The following SPOCD1 variants were observed in gnomAD, a reference collection of about 807,000 sequenced individuals.
SPOCD1 encodes the protein SPOC domain containing 1, also known as SPOC domain-containing protein 1.
SPOCD1 carries 64 observed loss-of-function variants against 92.2 expected under a neutral mutation model. That is an observed-to-expected ratio of 0.69 (90% CI 0.57 to 0.86). SPOCD1 has a LOEUF of 0.86. Among genes scored for constraint, SPOCD1 ranks in the 40% least tolerant of loss-of-function variants. The probability of loss-of-function intolerance (pLI) is 0.00; values close to 1 mark genes in which losing one functional copy is unlikely to be tolerated. For synonymous variants in SPOCD1, 578 were observed against 619.3 expected, an observed-to-expected ratio of 0.93 and a Z score of 0.99; for missense variants, 1,360 against 1,543.1, an observed-to-expected ratio of 0.88 and a Z score of 1.99.
Position 31,814,164 on chromosome 1 carries a change from G to C in SPOCD1, c.1170C>G (p.Ser390=), listed in dbSNP as rs775969459. 3 of 1,582,040 alleles carry C rather than the reference G, an allele frequency of 1.9e-6. No individual in the cohort carries two copies. Among genetic ancestry groups the C allele is most frequent in the Non-Finnish European group, 2.6e-6 (3 of 1,160,318 alleles). Residue 390 remains serine (S), a synonymous_variant, in exon 2 of 16, where the codon TCC becomes TCG. Coordinates refer to ENST00000360482, the MANE Select transcript of SPOCD1 (RefSeq NM_144569.7). This position sits in a 1 kb window ranked among gnomAD's most constrained non-coding sequence, Gnocchi z 4.2. The part of the protein sequence containing the change: ...LAAPADTCAS[S]REPLGGLSSS... ...AGCTGAGGCCGCCCAAGGGCTCCCGGGAGCTGGCACAGGTGTCAGCGGGGG... is the reference window on the plus strand; with the variant it reads ...AGCTGAGGCCGCCCAAGGGCTCCCGCGAGCTGGCACAGGTGTCAGCGGGGG...
chr1:31,793,423 G>A lies in SPOCD1; in HGVS notation c.2540C>T (p.Pro847Leu), dbSNP rs918348032. The A allele has an allele frequency of 1.3e-5, 20 of 1,589,040 alleles. No individual in the cohort carries two copies. Among genetic ancestry groups the A allele is most frequent in the African/African-American group, 2.7e-5 (2 of 74,408 alleles). The change falls in exon 13 of 16, where the codon CCT (proline) becomes CTT (leucine). Residue 847 changes from proline (P) to leucine (L), a missense_variant. Coordinates refer to ENST00000360482, the MANE Select transcript of SPOCD1 (RefSeq NM_144569.7). Reference sequence around the variant, plus strand: ...AGCAGGCACATGGAGCCCAGATGGAGGGACCCTAGAGGGAGGGACAGAAGA... The same window carrying A: ...AGCAGGCACATGGAGCCCAGATGGAAGGACCCTAGAGGGAGGGACAGAAGA... ...LSPTEPQDRV[P>L]PSGLHVPAAP...
At chr1:31,812,124 T>A (rs570532194) in intron 2 of SPOCD1, among the ~76,000 whole-genome samples, 1 of 152,308 alleles carries the variant, frequency 6.6e-6, no homozygotes, top group South Asian at 2.1e-4. Context: ...GCCAAACATG[T>A]GTCATCTCAT....
At position 31,790,582 on chromosome 1, in the gene SPOCD1, T is replaced by C; in HGVS notation, c.*21A>G. On this transcript the variant is annotated 3_prime_UTR_variant, in exon 16 of 16. Coordinates refer to ENST00000360482, the MANE Select transcript of SPOCD1 (RefSeq NM_144569.7). ...ACACTAGTGAGGGCATCAAAACCCCTGTTCTGGTGGGTAAGGAGGGTCAGG... is the reference window on the plus strand; with the variant it reads ...ACACTAGTGAGGGCATCAAAACCCCCGTTCTGGTGGGTAAGGAGGGTCAGG... 1 of 1,547,834 alleles carries C rather than the reference T, an allele frequency of 6.5e-7. No individual in the cohort carries two copies.
rs973833415 is a variant in SPOCD1 at position 31,796,628 on chromosome 1, G to A, written c.2233C>T (p.Arg745Trp). The change falls in exon 10 of 16, where the codon CGG (arginine) becomes TGG (tryptophan). Residue 745 changes from arginine to tryptophan, a missense_variant. Coordinates refer to ENST00000360482, the MANE Select transcript of SPOCD1 (RefSeq NM_144569.7). ...MTHKGEVEIQ[R>W]DMDQTLTLED... The stretch of plus-strand genomic sequence containing the variant: ...AGGGTCAGTGTCTGGTCCATGTCCC[G>A]CTGAATCTCCACTTCGCCCTTGTGG... 9.3e-6 allele frequency: 15 copies of A among 1,614,096 alleles called. No homozygotes were observed. In the Admixed American group the frequency reaches 1.0e-4, roughly 11 times the overall value.
chr1:31,811,437 G>A (rs2149119398), intron 2 of SPOCD1, among the ~76,000 whole-genome samples: 1 of 151,416 alleles, frequency 6.6e-6, no homozygotes, highest in South Asian at 2.1e-4. Flanking sequence ...CAGCCTGGGT[G>A]ACAGGGCGAG....
intron 12 of SPOCD1, 57 bp from the exon 13 acceptor site, chr1:31,793,485 G>A: frequency 1.9e-6 from 3 of 1,544,312 alleles, no homozygotes; most frequent in South Asian, 1.2e-5. Flanking sequence ...GACTTCCCCG[G>A]CACCTCCTTT....
chr1:31,792,138 G>C (rs1647637759), intron 15 of SPOCD1, 77 bp downstream of exon 15: 2 of 1,489,740 alleles, frequency 1.3e-6, no homozygotes, highest in Non-Finnish European at 1.8e-6. Context: ...GCCTCTACTG[G>C]GTGACTGTGT....
rs1647511507 is a variant in SPOCD1 at position 31,790,613 on chromosome 1, C to A, written c.3641G>T (p.Arg1214Ile). The A allele has an allele frequency of 1.9e-6, 3 of 1,551,652 alleles. No individual in the cohort carries two copies. Among genetic ancestry groups the A allele is most frequent in the Non-Finnish European group, 2.6e-6 (3 of 1,146,946 alleles). Residue 1214 changes from arginine to isoleucine, a missense_variant, in exon 16 of 16, where the codon AGA becomes ATA. By Grantham distance (97) the Arg-to-Ile change is moderately conservative. Around this residue, in one of 3 missense-constraint regions of SPOCD1, gnomAD observed 614 missense variants for 757.8 expected, o/e 0.81. Transcript: ENST00000360482. ...GGTGGGTAAGGAGGGTCAGGCCTTT[C>A]TAGGGAAGGGACACTCAGAGCCAGC... is the stretch of plus-strand genomic sequence containing the variant. ...DEAGSECPFP[R>I]KA
At position 31,793,822 on chromosome 1, in the gene SPOCD1, G is replaced by C. The variant is rs1342289160; in HGVS notation, c.2459C>G (p.Ala820Gly). Reference sequence around the variant, plus strand: ...AGCAGGCATAGGAGTTTGGCTTAGGGCTTTCTGGAAGATATTGTCCCCGCA... The same window carrying C: ...AGCAGGCATAGGAGTTTGGCTTAGGCCTTTCTGGAAGATATTGTCCCCGCA... ...KSCGDNIFQK[A>G]LSQTPMPAPE... The change falls in exon 12 of 16, where the codon GCC (alanine) becomes GGC (glycine). Residue 820 changes from alanine to glycine, a missense_variant. Ala to Gly is a moderately conservative substitution (Grantham distance 60). Around this residue, in one of 3 missense-constraint regions of SPOCD1, gnomAD observed 614 missense variants for 757.8 expected, o/e 0.81. Coordinates refer to ENST00000360482, the MANE Select transcript of SPOCD1 (RefSeq NM_144569.7). 6.2e-7 allele frequency: 1 copy of C among 1,614,224 alleles called. No individual in the cohort carries two copies. The highest frequency in any genetic ancestry group is 1.3e-5 in the African/African-American group (1 of 75,066).
chr1:31,799,447 C>T lies in SPOCD1; in HGVS notation c.1822G>A (p.Val608Met), dbSNP rs773500108. 11 of 1,611,972 alleles carry T rather than the reference C, an allele frequency of 6.8e-6. No homozygotes were observed. Among genetic ancestry groups the T allele is most frequent in the African/African-American group, 1.3e-5 (1 of 75,028 alleles). The change falls in exon 7 of 16, where the codon GTG becomes ATG. Residue 608 changes from valine to methionine, a missense_variant. This residue lies in a region of SPOCD1 where 606 missense variants were observed against 601.5 expected (regional missense o/e 1.01). Coordinates refer to ENST00000360482, the MANE Select transcript of SPOCD1 (RefSeq NM_144569.7). ...QQEKPSLYIG[V>M]RGTVVRSMQE... ...ATGGAACGGACAACAGTGCCCCGCA[C>T]CCCAATATACAGGGATGGCTTCTCC...
intron 2 of SPOCD1, among the ~76,000 whole-genome samples, chr1:31,812,670 T>C (rs936695497): frequency 6.6e-6 from 1 of 152,240 alleles, no homozygotes; most frequent in Non-Finnish European, 1.5e-5. Flanking sequence ...GTCTACCTCA[T>C]AGGCTTGTTA....
rs1337630862 is a variant in SPOCD1 at position 31,798,515 on chromosome 1, G to T, written c.1955C>A (p.Thr652Lys). Residue 652 changes from threonine (T) to lysine (K), a missense_variant, in exon 8 of 16, where the codon ACA becomes AAA. This residue lies in a region of SPOCD1 where 614 missense variants were observed against 757.8 expected (regional missense o/e 0.81). Coordinates refer to ENST00000360482, the MANE Select transcript of SPOCD1 (RefSeq NM_144569.7). This position sits in a 1 kb window ranked among gnomAD's most constrained non-coding sequence, Gnocchi z 4.1. ...CTTGTACCGGCCATTGGTGCCTTGT[G>T]TCAGGTCCCAGAGGGCTGCCTCAAT... is the stretch of plus-strand genomic sequence containing the variant. ...AGIEAALWDL[T>K]QGTNGRYKTK... 3 of 1,614,020 alleles carry T rather than the reference G, an allele frequency of 1.9e-6. No individual in the cohort carries two copies. Among genetic ancestry groups the T allele is most frequent in the Non-Finnish European group, 2.5e-6 (3 of 1,180,026 alleles).
chr1:31,792,143 C>G lies in SPOCD1; in HGVS notation c.2962+72G>C, dbSNP rs1408974255. 2.7e-6 allele frequency: 4 copies of G among 1,504,088 alleles called. No homozygotes were observed. The East Asian group carries it at 7.4e-5, about 28-fold the overall frequency. 93.2% of individuals were successfully genotyped at this position (1,504,088 alleles called of 1,614,324 possible). ...AGATGTGCCTGCCTCTACTGGGTGA[C>G]TGTGTCAACCGTGCCTGGTCTGGTC... On this transcript the variant is annotated intron_variant, in intron 15 of 15. Transcript: ENST00000360482.
Position 31,814,262 on chromosome 1 carries a change from C to T in SPOCD1, c.1072G>A (p.Ala358Thr). The change falls in exon 2 of 16, where the codon GCA becomes ACA. Residue 358 changes from alanine (A) to threonine (T), a missense_variant. Physicochemically the swap from Ala to Thr is moderately conservative, Grantham distance 58. Transcript: ENST00000360482. The surrounding 1 kb of genome is among the most constrained non-coding windows in gnomAD (Gnocchi z 4.2). ...GCCTCCAGCTCCTCCTGGTCCTGTGCTGGAGCCTGGCCTTCATCGCTGCCA... is the reference window on the plus strand; with the variant it reads ...GCCTCCAGCTCCTCCTGGTCCTGTGTTGGAGCCTGGCCTTCATCGCTGCCA... Reference protein sequence around the residue: ...RTGSDEGQAPAQDQEELEAKA... With the variant: ...RTGSDEGQAPTQDQEELEAKA... 2 of 1,583,046 alleles carry T rather than the reference C, an allele frequency of 1.3e-6. No homozygotes were observed. Among genetic ancestry groups the T allele is most frequent in the Non-Finnish European group, 1.7e-6 (2 of 1,163,028 alleles).
At chr1:31,800,972 G>A (rs950196881) in intron 3 of SPOCD1, among the ~76,000 whole-genome samples, 4 of 152,164 alleles carry the variant, frequency 2.6e-5, no homozygotes, top group Admixed American at 6.5e-5. Context: ...CATCTCATCA[G>A]GAGGGACATA....
At chr1:31,809,124 G>C (rs1255389411) in intron 2 of SPOCD1, among the ~76,000 whole-genome samples, 1 of 152,134 alleles carries the variant, frequency 6.6e-6, no homozygotes, top group Admixed American at 6.5e-5. Context: ...GGGAGGGGGA[G>C]GTTGCAGTGA....
intron 2 of SPOCD1, among the ~76,000 whole-genome samples, chr1:31,809,039 A>ATTTTAGTATTTGTGTATTAT (rs1404988423): frequency 6.6e-6 from 1 of 150,998 alleles, no homozygotes; most frequent in African/African-American, 2.4e-5. Context: ...AAATACACAA[A>ATTTTAGTATTTGTGTATTAT]TTACCCGGGC....
chr1:31,793,750 T>C lies in SPOCD1; in HGVS notation c.2531A>G (p.Asp844Gly), dbSNP rs148945974. 136 of 1,614,012 alleles carry C rather than the reference T, an allele frequency of 8.4e-5. No individual in the cohort carries two copies. The Middle Eastern group carries it at 1.8e-3, about 21-fold the overall frequency. The change falls in exon 12 of 16, where the codon GAC becomes GGC. Residue 844 changes from aspartate (D) to glycine (G), a missense_variant. Physicochemically the swap from Asp to Gly is moderately conservative, Grantham distance 94 (BLOSUM62 -1). Transcript: ENST00000360482. ...CTCCCTGCTCCCAACCCCACACCTG[T>C]CCTGTGGTTCCGTGGGAGACAACTC... is the stretch of plus-strand genomic sequence containing the variant. Reference protein sequence around the residue: ...TRELSPTEPQDRVPPSGLHVP... With the variant: ...TRELSPTEPQGRVPPSGLHVP...
chr1:31,808,314 T>C (rs1200319992), intron 2 of SPOCD1, among the ~76,000 whole-genome samples: 1 of 151,794 alleles, frequency 6.6e-6, no homozygotes, highest in Non-Finnish European at 1.5e-5. Context: ...AGGCAAGAAC[T>C]TAACATTTTA....
Sources: allele counts gnomAD v4.1 joint callset (sites outside exome capture counted in the v4.1 genomes callset), GRCh38; gene constraint gnomAD v4.1.1; regional missense constraint gnomAD v4.1.1; non-coding constraint Gnocchi (gnomAD v3.1); transcripts MANE v1.5; gene names NCBI Gene and HGNC (gene_info 2026-07-23, HGNC 2026-07-21).